The following THSD7A variants were observed in gnomAD, a reference collection of about 807,000 sequenced individuals.
The protein encoded by THSD7A is thrombospondin type-1 domain-containing protein 7A.
THSD7A carries 96 observed loss-of-function variants against 231.3 expected under a neutral mutation model. That is an observed-to-expected ratio of 0.41 (90% CI 0.35 to 0.49). The LOEUF is 0.49. Ranked by LOEUF, THSD7A falls within the 20% of genes least tolerant of loss-of-function variation. The pLI is 0.05. For missense variants in THSD7A, 2,290 were observed against 2,070.2 expected, an observed-to-expected ratio of 1.11 and a Z score of -2.06; for synonymous variants, 940 against 743.3, an observed-to-expected ratio of 1.26 and a Z score of -4.30.
chr7:11,552,778 G>T (rs527650081), intron 4 of THSD7A, among the ~76,000 whole-genome samples: 1 of 152,132 alleles, frequency 6.6e-6, no homozygotes, highest in South Asian at 2.1e-4. Context: ...AGATGGTACC[G>T]ATCAACAGGA....
intron 2 of THSD7A, among the ~76,000 whole-genome samples, chr7:11,622,265 GAA>G (rs1781336187): frequency 6.6e-6 from 1 of 151,682 alleles, no homozygotes; most frequent in African/African-American, 2.4e-5. Context: ...CATCTTTTTT[GAA>G]AGAGATTTAA....
intron 23 of THSD7A, among the ~76,000 whole-genome samples, 162 bp from the exon 24 acceptor site, chr7:11,382,778 T>A (rs940503421): frequency 2.0e-5 from 3 of 152,056 alleles, no homozygotes; most frequent in African/African-American, 7.2e-5. Flanking sequence ...TGTTTAAAAT[T>A]GCAGCTATAT....
intron 1 of THSD7A, among the ~76,000 whole-genome samples, chr7:11,769,772 G>A (rs1164749545): frequency 3.3e-5 from 5 of 151,964 alleles, no homozygotes; most frequent in Non-Finnish European, 5.9e-5. Flanking sequence ...TTTATTTGTG[G>A]CAGTTAAATT....
chr7:11,540,076 C>CT, intron 6 of THSD7A, among the ~76,000 whole-genome samples: 1 of 152,144 alleles, frequency 6.6e-6, no homozygotes, highest in East Asian at 1.9e-4. Context: ...TTGCCAATCT[C>CT]TGAGTGTTAC....
chr7:11,723,274 A>C (rs1030257387), intron 1 of THSD7A, among the ~76,000 whole-genome samples: 1 of 142,952 alleles, frequency 7.0e-6, no homozygotes, highest in Non-Finnish European at 1.5e-5. Context: ...GAATTGAACA[A>C]TGAGAACACA....
intron 1 of THSD7A, among the ~76,000 whole-genome samples, chr7:11,777,892 G>T (rs1401623795): frequency 1.3e-5 from 2 of 151,620 alleles, no homozygotes; most frequent in African/African-American, 4.9e-5. Flanking sequence ...GCTCACGCCT[G>T]TAATCCCAGC....
intron 6 of THSD7A, among the ~76,000 whole-genome samples, chr7:11,499,230 G>T (rs1015480681): frequency 2.0e-5 from 3 of 152,184 alleles, no homozygotes; most frequent in Non-Finnish European, 4.4e-5. Flanking sequence ...GGGAACTCCT[G>T]GCTTGGGCCC....
Position 11,820,518 on chromosome 7 carries a change from T to C in THSD7A, c.190+11239A>G, listed in dbSNP as rs1052438426. 7.8e-6 allele frequency: 6 copies of C among 764,752 alleles called. No homozygotes were observed. In the African/African-American group the frequency reaches 8.8e-5, roughly 11 times the overall value. The allele number at this position is 764,752 out of a possible 1,614,324, so 47.4% of individuals were successfully genotyped here. On this transcript the variant is annotated intron_variant, in intron 1 of 27. Coordinates refer to ENST00000423059, the MANE Select transcript of THSD7A (RefSeq NM_015204.3). Reference sequence around the variant, plus strand: ...CTTGCTTTTGGGTGTGTAATCTAGGTCCCACTCCTCTTACCGGTTTCTTTT... The same window carrying C: ...CTTGCTTTTGGGTGTGTAATCTAGGCCCCACTCCTCTTACCGGTTTCTTTT...
At chr7:11,448,019 G>T (rs568287692) in intron 11 of THSD7A, among the ~76,000 whole-genome samples, 3 of 152,150 alleles carry the variant, frequency 2.0e-5, no homozygotes, top group East Asian at 1.9e-4. Context: ...ATTAGGAAGG[G>T]TTGGAATCAT....
chr7:11,711,965 C>T (rs539164687), intron 1 of THSD7A, among the ~76,000 whole-genome samples: 1 of 151,102 alleles, frequency 6.6e-6, no homozygotes, highest in East Asian at 2.0e-4. Context: ...TGGGTATCGT[C>T]CTCTAGGTGG....
At chr7:11,491,995 C>G (rs1040452001) in intron 6 of THSD7A, among the ~76,000 whole-genome samples, 9 of 151,878 alleles carry the variant, frequency 5.9e-5, no homozygotes, top group African/African-American at 2.2e-4. Flanking sequence ...TGCAAATTAT[C>G]AGCCAAATAG....
intron 1 of THSD7A, among the ~76,000 whole-genome samples, chr7:11,763,735 T>C (rs1189892001): frequency 6.6e-6 from 1 of 152,166 alleles, no homozygotes; most frequent in East Asian, 1.9e-4. Context: ...TGTAGCTGGT[T>C]ATTAAATACG....
chr7:11,533,108 T>C (rs1011953408), intron 6 of THSD7A, among the ~76,000 whole-genome samples: 9 of 152,268 alleles, frequency 5.9e-5, no homozygotes, highest in Middle Eastern at 3.4e-3. Context: ...CATAAAGTGA[T>C]ATCCAATGAG....
intron 1 of THSD7A, among the ~76,000 whole-genome samples, chr7:11,810,804 T>G (rs1784510267): frequency 6.6e-6 from 1 of 152,094 alleles, no homozygotes; most frequent in African/African-American, 2.4e-5. Context: ...TGGATGTGAG[T>G]AGAATGGTAA....
In THSD7A at chr7:11,572,530, G is replaced by T. The variant is rs1054225554; in HGVS notation, c.1453+17930C>A. Among the ~76,000 whole-genome samples, 3 of 151,766 alleles carry T rather than the reference G, an allele frequency of 2.0e-5. No individual in the cohort carries two copies. The East Asian group carries it at 5.8e-4, about 30-fold the overall frequency. On this transcript the variant is annotated intron_variant, in intron 4 of 27. Transcript: ENST00000423059. ...ATGTTTAGTAGTTTCTTTTTGGGGG[G>T]ACAGGGTCTCACTTGCTGCCCAGGC...
intron 1 of THSD7A, among the ~76,000 whole-genome samples, chr7:11,799,763 G>C (rs2128180918): frequency 6.6e-6 from 1 of 152,200 alleles, no homozygotes; most frequent in East Asian, 1.9e-4. Flanking sequence ...CATACACAAA[G>C]CTACACAAAG....
intron 1 of THSD7A, among the ~76,000 whole-genome samples, chr7:11,768,661 AG>A (rs1199176519): frequency 4.6e-5 from 7 of 152,188 alleles, no homozygotes; most frequent in Admixed American, 4.6e-4. Flanking sequence ...TTCATTAAAA[AG>A]GTGTCGGCAG....
chr7:11,403,264 A>C (rs1783470571), intron 22 of THSD7A, among the ~76,000 whole-genome samples: 1 of 152,186 alleles, frequency 6.6e-6, no homozygotes, highest in Non-Finnish European at 1.5e-5. Context: ...ATTAATGGAA[A>C]AACTTCTTGT....
At chr7:11,703,718 C>G (rs1280945488) in intron 1 of THSD7A, among the ~76,000 whole-genome samples, 1 of 151,178 alleles carries the variant, frequency 6.6e-6, no homozygotes, top group Non-Finnish European at 1.5e-5. Flanking sequence ...TTTGATTTAA[C>G]ATAAACCCAT....
Sources: gnomAD v4.1 joint callset for allele counts (sites outside exome capture counted in the v4.1 genomes callset) on GRCh38, gnomAD v4.1.1 for gene constraint, MANE v1.5 for transcripts, NCBI Gene and HGNC (gene_info 2026-07-23, HGNC 2026-07-21) for gene names.